AATF: variants seen among roughly 807,000 people sequenced by gnomAD.
AATF encodes the protein protein AATF.
In AATF, 48 loss-of-function variants were observed where a neutral mutation model predicts 63.7. The ratio of observed to expected loss-of-function variants is 0.75; its 90% CI spans 0.60 to 0.96. The LOEUF (loss-of-function observed/expected upper bound fraction) is 0.96. Among genes scored for constraint, AATF ranks in the 40% least tolerant of loss-of-function variants. The probability of loss-of-function intolerance (pLI) is 0.00; values close to 1 mark genes in which losing one functional copy is unlikely to be tolerated. For synonymous variants in AATF, 258 were observed against 247.7 expected (o/e 1.04, Z -0.39); for missense variants, 639 against 685.7 (o/e 0.93, Z 0.76).
At chr17:36,972,597 C>T (rs953798377) in intron 4 of AATF, among the ~76,000 whole-genome samples, 2 of 151,728 alleles carry the variant, frequency 1.3e-5, no homozygotes, top group Non-Finnish European at 2.9e-5. Context: ...CACCTATATA[C>T]ATGTAAGTGT....
chr17:37,047,771 G>GTAA (rs2071705978), intron 11 of AATF, among the ~76,000 whole-genome samples: 1 of 152,224 alleles, frequency 6.6e-6, no homozygotes, highest in African/African-American at 2.4e-5. Flanking sequence ...GACACACGGG[G>GTAA]TAATTTATGG....
chr17:37,006,604 G>A (rs2071343532), intron 8 of AATF, among the ~76,000 whole-genome samples: 1 of 152,058 alleles, frequency 6.6e-6, no homozygotes, highest in South Asian at 2.1e-4. Context: ...CACTCATCAG[G>A]GCCTAATACT....
At position 36,949,222 on chromosome 17, in the gene AATF, G is replaced by A. The variant is rs757625465; in HGVS notation, c.91+6G>A. ...TGAAGCGGACCCCGAGGAAGGTGAG[G>A]CCGGACTGGGGCAGGCCACGTGCGG... On this transcript the variant is annotated splice_donor_region_variant and intron_variant, in intron 1 of 11. Coordinates refer to ENST00000619387, the MANE Select transcript of AATF (RefSeq NM_012138.4). 3 of 1,584,072 alleles carry A rather than the reference G, an allele frequency of 1.9e-6. No homozygotes were observed. Among genetic ancestry groups the A allele is most frequent in the Non-Finnish European group, 2.6e-6 (3 of 1,166,954 alleles).
intron 4 of AATF, among the ~76,000 whole-genome samples, chr17:36,966,331 C>T (rs538585065): frequency 3.9e-5 from 6 of 152,044 alleles, no homozygotes; most frequent in African/African-American, 1.2e-4. Context: ...GTGATGTGAT[C>T]ATAACTCACT....
At chr17:37,014,395 C>T (rs149792708) in intron 8 of AATF, among the ~76,000 whole-genome samples, 123 of 152,128 alleles carry the variant, frequency 8.1e-4, no homozygotes, top group African/African-American at 2.7e-3. Context: ...GCTATTGAGA[C>T]GTCTTTTCCC....
At chr17:37,021,438 G>A (rs957821379) in intron 10 of AATF, among the ~76,000 whole-genome samples, 1 of 152,076 alleles carries the variant, frequency 6.6e-6, no homozygotes, top group African/African-American at 2.4e-5. Flanking sequence ...AGACCATCCT[G>A]GCCAACGTGG....
chr17:37,016,427 C>A (rs1388694693), intron 8 of AATF, among the ~76,000 whole-genome samples: 1 of 152,210 alleles, frequency 6.6e-6, no homozygotes. Flanking sequence ...GAAAACCTAA[C>A]TGTATCTATG....
rs576949655 is a variant in AATF at position 36,968,570 on chromosome 17, A to G, written c.832+14663A>G. On this transcript the variant is annotated intron_variant, in intron 4 of 11. Coordinates refer to ENST00000619387, the MANE Select transcript of AATF (RefSeq NM_012138.4). ...GGATTATAGGCGTAAGCTACCGTGG[A>G]TGGCCTCTTCTATCATATTTTTATT... Among the ~76,000 whole-genome samples, 23 of 151,522 alleles carry G rather than the reference A, an allele frequency of 1.5e-4. No individual in the cohort carries two copies. The East Asian group carries it at 4.5e-3, about 30-fold the overall frequency.
At chr17:36,959,576 A>G (rs538590911) in intron 4 of AATF, among the ~76,000 whole-genome samples, 2 of 152,246 alleles carry the variant, frequency 1.3e-5, no homozygotes, top group South Asian at 4.1e-4. Flanking sequence ...TGTAACGGGT[A>G]CTCTACTGTC....
chr17:36,975,616 G>A (rs2071073978), intron 4 of AATF, among the ~76,000 whole-genome samples: 1 of 152,152 alleles, frequency 6.6e-6, no homozygotes, highest in South Asian at 2.1e-4. Context: ...TATAAACAAT[G>A]CTGCAAATAA....
At position 37,046,435 on chromosome 17, in the gene AATF, C is replaced by G. The variant is rs184656357; in HGVS notation, c.1620-10166C>G. Among the ~76,000 whole-genome samples the G allele has an allele frequency of 1.1e-4, 17 of 152,120 alleles. No homozygotes were observed. In the East Asian group the frequency reaches 3.3e-3, roughly 29 times the overall value. ...TCCTTGAACGCTCGGGGGGAGACTT[C>G]CGGGTAGGGCAGCTGGCCAGCAGCT... On this transcript the variant is annotated intron_variant, in intron 11 of 11. Transcript: ENST00000619387.
chr17:37,010,183 G>A (rs373398228), intron 8 of AATF, among the ~76,000 whole-genome samples: 4 of 152,106 alleles, frequency 2.6e-5, no homozygotes, highest in Non-Finnish European at 4.4e-5. Context: ...GGCCGGGCGC[G>A]GTGGCTCACG....
intron 7 of AATF, among the ~76,000 whole-genome samples, chr17:36,990,218 A>G (rs1217744894): frequency 6.6e-6 from 1 of 152,090 alleles, no homozygotes; most frequent in African/African-American, 2.4e-5. Flanking sequence ...AGTCCTAGAT[A>G]CTCTTTCCAT....
rs1292653349 is a variant in AATF at position 36,986,661 on chromosome 17, C to T, written c.877C>T (p.Gln293Ter). ...KALLRSLVGL[Q>*]EELLFQYPDT... is the part of the protein sequence containing the mutation. ...ATTGTTGAGGTCATTGGTAGGTCTT[C>T]AGGAAGAGTTGCTTTTCCAGTACCC... Residue 293 changes from glutamine (Q) to a stop codon, truncating the protein, a stop_gained, in exon 5 of 12, where the codon CAG becomes TAG. Transcript: ENST00000619387. LOFTEE classifies it high-confidence loss of function. The T allele has an allele frequency of 6.2e-7, 1 of 1,614,082 alleles. No homozygotes were observed. The highest frequency in any genetic ancestry group is 1.1e-5 in the South Asian group (1 of 91,080).
chr17:37,049,015 C>T (rs1409156344), intron 11 of AATF, among the ~76,000 whole-genome samples: 2 of 152,222 alleles, frequency 1.3e-5, no homozygotes, highest in Non-Finnish European at 2.9e-5. Context: ...TCATAGATGA[C>T]GATGCCATTT....
At chr17:36,972,334 A>G (rs767672610) in intron 4 of AATF, among the ~76,000 whole-genome samples, 2 of 152,216 alleles carry the variant, frequency 1.3e-5, no homozygotes, top group Non-Finnish European at 2.9e-5. Context: ...GATAAGTGAT[A>G]TAATGTGGTT....
At chr17:36,973,041 A>G (rs537042071) in intron 4 of AATF, among the ~76,000 whole-genome samples, 3 of 152,296 alleles carry the variant, frequency 2.0e-5, no homozygotes, top group Non-Finnish European at 2.9e-5. Context: ...TCTGTGCATT[A>G]TTTACATGGT....
At chr17:36,997,674 TAAA>T (rs947291925) in intron 8 of AATF, among the ~76,000 whole-genome samples, 8 of 152,148 alleles carry the variant, frequency 5.3e-5, no homozygotes, top group Admixed American at 1.3e-4. Flanking sequence ...GGAGATTCCT[TAAA>T]GAACTAAAAA....
At chr17:36,984,042 T>C (rs2071148211) in intron 4 of AATF, among the ~76,000 whole-genome samples, 1 of 152,158 alleles carries the variant, frequency 6.6e-6, no homozygotes, top group South Asian at 2.1e-4. Context: ...AGTTGGGATA[T>C]AAACTAGTGA....
Sources: allele counts gnomAD v4.1 joint callset (sites outside exome capture counted in the v4.1 genomes callset), GRCh38; gene constraint gnomAD v4.1.1; transcripts MANE v1.5; gene names NCBI Gene and HGNC (gene_info 2026-07-23, HGNC 2026-07-21).